The following PPP6R3 variants were observed in gnomAD, a reference collection of about 807,000 sequenced individuals.
The protein encoded by PPP6R3 is serine/threonine-protein phosphatase 6 regulatory subunit 3.
Under a neutral mutation model 110.7 loss-of-function variants are expected in PPP6R3, and 38 were observed. That is an observed-to-expected ratio of 0.34 (90% CI 0.26 to 0.45). The LOEUF (loss-of-function observed/expected upper bound fraction) is 0.45. PPP6R3 is among the 20% of genes least tolerant of loss of function. The probability of loss-of-function intolerance (pLI) is 1.00; values close to 1 mark genes in which losing one functional copy is unlikely to be tolerated. For missense variants in PPP6R3, 870 were observed against 1,062.4 expected, an observed-to-expected ratio of 0.82 and a Z score of 2.52; for synonymous variants, 369 against 373.5, an observed-to-expected ratio of 0.99 and a Z score of 0.14.
intron 1 of PPP6R3, among the ~76,000 whole-genome samples, chr11:68,491,438 A>T (rs982864300): frequency 2.0e-5 from 3 of 150,506 alleles, no homozygotes; most frequent in Admixed American, 6.7e-5. Context: ...ATCATCTTCT[A>T]GGTGCAAGGA....
intron 14 of PPP6R3, 21 bp from the exon 15 acceptor site, chr11:68,583,020 CTT>C: frequency 7.0e-7 from 1 of 1,429,302 alleles, no homozygotes; most frequent in South Asian, 1.3e-5. Flanking sequence ...GTTAAATAGT[CTT>C]TTACATTTTT....
At position 68,542,411 on chromosome 11, in the gene PPP6R3, T is replaced by TTTTTTTTTTTTTA. The variant is rs1244450813; in HGVS notation, c.228-2427_228-2426insTTTTTTTTTTTTA. Among the ~76,000 whole-genome samples the TTTTTTTTTTTTTA allele has an allele frequency of 4.2e-5, 6 of 141,966 alleles. 1 individual carries two copies. Among genetic ancestry groups the TTTTTTTTTTTTTA allele is most frequent in the African/African-American group, 1.3e-4 (5 of 37,462 alleles). 93.1% of individuals were successfully genotyped at this position (141,966 alleles called of 152,430 possible). On this transcript the variant is annotated intron_variant, in intron 3 of 23. Transcript: ENST00000393800. ...GCTGTTTTTTTTTTTTTTTTTTTTT[T>TTTTTTTTTTTTTA]AAGACAGAGTCTTGCTCTGTCATCC...
Position 68,545,035 on chromosome 11 carries a change from T to G in PPP6R3, c.414+11T>G. The G allele has an allele frequency of 6.3e-7, 1 of 1,579,176 alleles. No individual in the cohort carries two copies. ...AGAAAACCAGAACAGGTAAATATGATTTTCCAAAAGGTAAGTATTAGGGCT... is the reference window on the plus strand; with the variant it reads ...AGAAAACCAGAACAGGTAAATATGAGTTTCCAAAAGGTAAGTATTAGGGCT... On this transcript the variant is annotated intron_variant, in intron 4 of 23. Transcript: ENST00000393800.
chr11:68,511,648 T>G (rs1317821688), intron 1 of PPP6R3, among the ~76,000 whole-genome samples: 1 of 151,792 alleles, frequency 6.6e-6, no homozygotes, highest in Admixed American at 6.6e-5. Context: ...ACCTGGCTAA[T>G]TTTTGTATTT....
intron 16 of PPP6R3, among the ~76,000 whole-genome samples, chr11:68,588,906 C>G (rs557712239): frequency 6.6e-6 from 1 of 152,094 alleles, no homozygotes; most frequent in South Asian, 2.1e-4. Flanking sequence ...ATAGTATTAT[C>G]TATAAAGTCC....
intron 1 of PPP6R3, among the ~76,000 whole-genome samples, chr11:68,475,476 C>A (rs1199622204): frequency 6.6e-6 from 1 of 152,136 alleles, no homozygotes; most frequent in Non-Finnish European, 1.5e-5. Flanking sequence ...CTTCTCACTT[C>A]CCAGAAGGGG....
rs773233048 is a variant in PPP6R3 at position 68,600,348 on chromosome 11, C to G, written c.2046C>G (p.Asn682Lys). Residue 682 changes from asparagine to lysine, a missense_variant, in exon 20 of 24, where the codon AAC (asparagine) becomes AAG (lysine). Coordinates refer to ENST00000393800, the MANE Select transcript of PPP6R3 (RefSeq NM_001164161.2). ...TTTCTCCCCTCTTTTTAGCACCCAA[C>G]TGGTCAGCTAACTTTGATGTCCCAA... ...KMEVDLSEPP[N>K]WSANFDVPME... is the part of the protein sequence containing the mutation. 1 of 1,613,778 alleles carries G rather than the reference C, an allele frequency of 6.2e-7. No homozygotes were observed. The highest frequency in any genetic ancestry group is 1.1e-5 in the South Asian group (1 of 91,050).
At chr11:68,542,163 A>T (rs924765285) in intron 3 of PPP6R3, among the ~76,000 whole-genome samples, 6 of 151,234 alleles carry the variant, frequency 4.0e-5, no homozygotes, top group African/African-American at 1.5e-4. Flanking sequence ...GGGTGGGGGC[A>T]TGTGGTCCAG....
chr11:68,547,221 G>GGT (rs1050408495), intron 4 of PPP6R3, among the ~76,000 whole-genome samples: 2 of 152,126 alleles, frequency 1.3e-5, no homozygotes, highest in African/African-American at 4.8e-5. Context: ...TCTCTAATGG[G>GGT]GTGTGGCGGT....
chr11:68,603,707 G>T (rs2099638756), intron 22 of PPP6R3, among the ~76,000 whole-genome samples: 1 of 152,202 alleles, frequency 6.6e-6, no homozygotes, highest in Admixed American at 6.5e-5. Flanking sequence ...GTGTTCAGAA[G>T]ACTGTATTTT....
intron 4 of PPP6R3, 46 bp from the exon 5 acceptor site, chr11:68,548,021 G>T: frequency 6.3e-7 from 1 of 1,579,280 alleles, no homozygotes; most frequent in Non-Finnish European, 8.6e-7. Context: ...AAAGTTTATA[G>T]TTTCCAAGTT....
intron 7 of PPP6R3, among the ~76,000 whole-genome samples, chr11:68,556,659 A>G (rs1174065677): frequency 1.3e-5 from 2 of 152,260 alleles, no homozygotes; most frequent in African/African-American, 4.8e-5. Context: ...CTATCCAGAA[A>G]CTGCTATTTT....
chr11:68,523,048 T>C (rs2099171540), intron 2 of PPP6R3, among the ~76,000 whole-genome samples: 1 of 152,258 alleles, frequency 6.6e-6, no homozygotes, highest in African/African-American at 2.4e-5. Context: ...TCTACTTGGC[T>C]TCTAATTATG....
chr11:68,594,281 AGAGAGAGAGAGGAGAGAG>A (rs1283734460), intron 18 of PPP6R3, among the ~76,000 whole-genome samples: 1 of 150,956 alleles, frequency 6.6e-6, no homozygotes, highest in Non-Finnish European at 1.5e-5. Flanking sequence ...AGAGAGAGAG[AGAGAGAGAGAGGAGAGAG>A]GAGAGAGAGA....
chr11:68,534,176 C>G (rs1421404902), intron 2 of PPP6R3, among the ~76,000 whole-genome samples: 1 of 152,140 alleles, frequency 6.6e-6, no homozygotes, highest in Non-Finnish European at 1.5e-5. Flanking sequence ...CAGCACCTCA[C>G]TGGGCAGGGC....
At chr11:68,476,284 A>G (rs1442777118) in intron 1 of PPP6R3, among the ~76,000 whole-genome samples, 2 of 152,114 alleles carry the variant, frequency 1.3e-5, no homozygotes, top group Non-Finnish European at 2.9e-5. Flanking sequence ...AACACAGCGA[A>G]ACCCCGTCTC....
intron 14 of PPP6R3, among the ~76,000 whole-genome samples, chr11:68,577,074 G>A (rs1041415301): frequency 3.9e-5 from 6 of 152,188 alleles, no homozygotes; most frequent in East Asian, 1.9e-4. Flanking sequence ...GAATTATGAA[G>A]TTGAGGTAAC....
chr11:68,515,909 T>TA (rs201116855), intron 1 of PPP6R3, among the ~76,000 whole-genome samples: 1 of 152,202 alleles, frequency 6.6e-6, no homozygotes, highest in African/African-American at 2.4e-5. Flanking sequence ...AAATACATAT[T>TA]AAAAAATTTA....
intron 1 of PPP6R3, among the ~76,000 whole-genome samples, chr11:68,495,031 AG>A (rs1164938893): frequency 1.3e-5 from 2 of 152,134 alleles, no homozygotes; most frequent in African/African-American, 2.4e-5. Context: ...CCTCTGTAAA[AG>A]TAGTAGCCAT....
Sources: gnomAD v4.1 joint callset for allele counts (sites outside exome capture counted in the v4.1 genomes callset) on GRCh38, gnomAD v4.1.1 for gene constraint, MANE v1.5 for transcripts, NCBI Gene and HGNC (gene_info 2026-07-23, HGNC 2026-07-21) for gene names.